Variants in AOPEP observed in about 807,000 individuals in gnomAD.
AOPEP encodes aminopeptidase O.
Under a neutral mutation model 98.1 loss-of-function variants are expected in AOPEP, and 77 were observed. That is an observed-to-expected ratio of 0.78 (90% CI 0.65 to 0.95). AOPEP has a LOEUF of 0.95. Among genes scored for constraint, AOPEP ranks in the 40% least tolerant of loss-of-function variants. The pLI is 0.00. For synonymous variants in AOPEP, 346 were observed against 365.3 expected (o/e 0.95, Z 0.60); for missense variants, 1,024 against 1,024.7 (o/e 1.00, Z 0.01).
chr9:95,139,880 A>C, the AOPEP span, among the ~76,000 whole-genome samples: 2 of 147,970 alleles, frequency 1.4e-5, no homozygotes, highest in Non-Finnish European at 3.0e-5. Context: ...ATTCTGTGGA[A>C]AATTTAAAGG....
chr9:94,798,864 T>A (rs1847617242), intron 4 of AOPEP, among the ~76,000 whole-genome samples: 1 of 152,232 alleles, frequency 6.6e-6, no homozygotes, highest in Non-Finnish European at 1.5e-5. Context: ...AGGTGGGCAT[T>A]GCAGCCTTTT....
intron 10 of AOPEP, among the ~76,000 whole-genome samples, chr9:94,973,066 G>T (rs917355731): frequency 6.6e-6 from 1 of 152,168 alleles, no homozygotes; most frequent in African/African-American, 2.4e-5. Context: ...CCAGAAAAGG[G>T]CATTTTCCAT....
chr9:95,010,356 A>G (rs1357848055), intron 13 of AOPEP, among the ~76,000 whole-genome samples: 2 of 152,224 alleles, frequency 1.3e-5, no homozygotes, highest in African/African-American at 4.8e-5. Flanking sequence ...AAAACAACAG[A>G]TGGTGACTGT....
chr9:94,939,026 G>A (rs568158309), intron 7 of AOPEP, among the ~76,000 whole-genome samples: 1 of 152,298 alleles, frequency 6.6e-6, no homozygotes, highest in East Asian at 1.9e-4. Context: ...GAGGCCGGCA[G>A]ATCACAAGGT....
chr9:95,052,097 A>G (rs371766843), intron 13 of AOPEP, among the ~76,000 whole-genome samples: 17 of 152,214 alleles, frequency 1.1e-4, no homozygotes, highest in African/African-American at 4.1e-4. Flanking sequence ...ATGTGTTGCT[A>G]TATAAATTTG....
At chr9:94,968,503 A>C (rs1414066430) in intron 10 of AOPEP, among the ~76,000 whole-genome samples, 1 of 151,932 alleles carries the variant, frequency 6.6e-6, no homozygotes, top group Non-Finnish European at 1.5e-5. Flanking sequence ...CAGCCTCCCA[A>C]AGTGCTGGGA....
At chr9:94,895,238 AT>A (rs1276332358) in intron 5 of AOPEP, among the ~76,000 whole-genome samples, 483 of 34,486 alleles carry the variant, frequency 0.014, 18 homozygotes, top group African/African-American at 0.024. Flanking sequence ...ATAAAATAAA[AT>A]AAAAAAAAAA....
At chr9:94,806,455 A>G (rs1162070306) in intron 5 of AOPEP, among the ~76,000 whole-genome samples, 1 of 152,114 alleles carries the variant, frequency 6.6e-6, no homozygotes, top group Admixed American at 6.5e-5. Context: ...TAAAATTTTA[A>G]TCCCTTGTTT....
intron 4 of AOPEP, among the ~76,000 whole-genome samples, chr9:94,794,902 T>G (rs1475008006): frequency 1.3e-5 from 2 of 152,086 alleles, no homozygotes; most frequent in African/African-American, 4.8e-5. Flanking sequence ...ACAGTGGACT[T>G]GGTATTAGCA....
At chr9:94,729,749 A>G (rs905145153) in intron 1 of AOPEP, among the ~76,000 whole-genome samples, 7 of 152,192 alleles carry the variant, frequency 4.6e-5, no homozygotes, top group African/African-American at 1.7e-4. Flanking sequence ...GTGATAATCA[A>G]AAATGTCTCA....
intron 11 of AOPEP, chr9:95,004,354 G>A (rs2132660305): frequency 2.2e-6 from 1 of 451,382 alleles, no homozygotes; most frequent in Non-Finnish European, 4.5e-6. Flanking sequence ...CTACCCAGTG[G>A]TTCTGGGGGT....
rs116667974 is a variant in AOPEP at position 94,817,244 on chromosome 9, A to G, written c.1364+16242A>G. The stretch of plus-strand genomic sequence containing the variant: ...GGTCGCGAACTCCTGGACTCAAGCA[A>G]TCTGTGTGCCTTGGCCTCCCACAGT... On this transcript the variant is annotated intron_variant, in intron 5 of 16. Coordinates refer to ENST00000375315, the MANE Select transcript of AOPEP (RefSeq NM_001193329.3). 7.4e-3 allele frequency among the ~76,000 whole-genome samples: 1,124 copies of G among 152,172 alleles called. 14 individuals are homozygous for G. The highest frequency in any genetic ancestry group is 0.026 in the African/African-American group (1,083 of 41,516).
intron 5 of AOPEP, among the ~76,000 whole-genome samples, chr9:94,809,414 C>T (rs1324437463): frequency 6.6e-6 from 1 of 152,196 alleles, no homozygotes; most frequent in Non-Finnish European, 1.5e-5. Context: ...TTCATGGAAC[C>T]ACTGTGGTTT....
intron 5 of AOPEP, among the ~76,000 whole-genome samples, chr9:94,903,756 C>T (rs1412475064): frequency 6.6e-6 from 1 of 151,418 alleles, no homozygotes; most frequent in Non-Finnish European, 1.5e-5. Context: ...AGCTAATTAG[C>T]TGGGTGTGGT....
At chr9:94,762,173 C>A (rs992945141) in intron 2 of AOPEP, among the ~76,000 whole-genome samples, 1 of 152,158 alleles carries the variant, frequency 6.6e-6, no homozygotes, top group Non-Finnish European at 1.5e-5. Context: ...GAGGGCCAGG[C>A]GCGGTGGCTC....
chr9:94,745,228 G>A (rs1351635722), intron 1 of AOPEP, among the ~76,000 whole-genome samples: 1 of 151,670 alleles, frequency 6.6e-6, no homozygotes, highest in Non-Finnish European at 1.5e-5. Context: ...CTCCTACCTA[G>A]CCTCTGGAAA....
intron 11 of AOPEP, among the ~76,000 whole-genome samples, chr9:94,981,919 G>A (rs989126371): frequency 1.3e-5 from 2 of 152,254 alleles, no homozygotes; most frequent in Non-Finnish European, 2.9e-5. Flanking sequence ...TTGCCTTGTG[G>A]TTGGCCTCGA....
the AOPEP span, among the ~76,000 whole-genome samples, chr9:95,122,562 C>T: frequency 6.6e-6 from 1 of 152,198 alleles, no homozygotes; most frequent in Middle Eastern, 3.2e-3. Context: ...TGCCTCACAC[C>T]AGGACCCAGT....
chr9:95,013,973 C>A lies in AOPEP; in HGVS notation c.2115+8357C>A, dbSNP rs1233887578. On this transcript the variant is annotated intron_variant, in intron 13 of 16. Coordinates refer to ENST00000375315, the MANE Select transcript of AOPEP (RefSeq NM_001193329.3). ...TCCTGGTTGTCACTTGGCTTTTGAG[C>A]TTTATTTTCCTTGTCTGTAAAATGA... Among the ~76,000 whole-genome samples, 43 of 152,088 alleles carry A rather than the reference C, an allele frequency of 2.8e-4. 1 individual carries two copies. Among genetic ancestry groups the A allele is most frequent in the Non-Finnish European group, 1.2e-4 (8 of 68,012 alleles).
Sources: allele counts gnomAD v4.1 joint callset (sites outside exome capture counted in the v4.1 genomes callset), GRCh38; gene constraint gnomAD v4.1.1; transcripts MANE v1.5; gene names NCBI Gene and HGNC (gene_info 2026-07-23, HGNC 2026-07-21).